Variants in SCAF1 observed in about 807,000 individuals in gnomAD.
The protein encoded by SCAF1 is SR-related CTD associated factor 1.
In SCAF1, 28 loss-of-function variants were observed where a neutral mutation model predicts 91.2. The ratio of observed to expected loss-of-function variants is 0.31; its 90% CI spans 0.23 to 0.42. The LOEUF (loss-of-function observed/expected upper bound fraction) is 0.42. SCAF1 is among the 10% of genes least tolerant of loss of function. The pLI, the probability that SCAF1 is intolerant of heterozygous loss-of-function variation, is 1.00. For synonymous variants in SCAF1, 1,036 were observed against 833.7 expected (o/e 1.24, Z -4.18); for missense variants, 1,893 against 1,872.1 (o/e 1.01, Z -0.21).
chr19:49,644,563 T>C (rs1008406829), intron 1 of SCAF1, among the ~76,000 whole-genome samples: 3 of 152,184 alleles, frequency 2.0e-5, no homozygotes, highest in African/African-American at 7.2e-5. Flanking sequence ...GTGTTGAATA[T>C]TGCCCAGCAC....
rs533118974 is a variant in SCAF1 at position 49,646,542 on chromosome 19, C to G, written c.278C>G (p.Thr93Arg). The change falls in exon 5 of 11, where the codon ACG (threonine) becomes AGG (arginine). Residue 93 changes from threonine to arginine, a missense_variant. By Grantham distance (71) the Thr-to-Arg change is moderately conservative. Coordinates refer to ENST00000360565, the MANE Select transcript of SCAF1 (RefSeq NM_021228.3). This position sits in a 1 kb window ranked among gnomAD's most constrained non-coding sequence, Gnocchi z 5.6. ...CTCTTCCAGGTGTTGGACATGGCCACGGACAGCTTCCTCGCAGGGCTGGTG... is the reference window on the plus strand; with the variant it reads ...CTCTTCCAGGTGTTGGACATGGCCAGGGACAGCTTCCTCGCAGGGCTGGTG... ...TDTATVLDMA[T>R]DSFLAGLVSV... 5 of 1,614,032 alleles carry G rather than the reference C, an allele frequency of 3.1e-6. No homozygotes were observed. Among genetic ancestry groups the G allele is most frequent in the Non-Finnish European group, 4.2e-6 (5 of 1,179,982 alleles).
intron 9 of SCAF1, among the ~76,000 whole-genome samples, chr19:49,655,774 G>A (rs1449502029): frequency 6.6e-6 from 1 of 152,164 alleles, no homozygotes; most frequent in South Asian, 2.1e-4. Flanking sequence ...GGGCTCAAGG[G>A]ATCCTCCTAC....
At chr19:49,643,725 G>A (rs1245659338) in intron 1 of SCAF1, among the ~76,000 whole-genome samples, 1 of 152,198 alleles carries the variant, frequency 6.6e-6, no homozygotes, top group East Asian at 1.9e-4. Context: ...GTGCTTCCCC[G>A]GGAGGTGCTG....
intron 9 of SCAF1, 89 bp downstream of exon 9, chr19:49,654,959 G>A: frequency 9.5e-7 from 1 of 1,052,530 alleles, no homozygotes; most frequent in Non-Finnish European, 1.3e-6. Context: ...CAAGGAGAAA[G>A]GGAGACTGAG....
chr19:49,645,386 G>C lies in SCAF1; in HGVS notation c.141G>C (p.Leu47=), dbSNP rs749731358. 19 of 1,613,880 alleles carry C rather than the reference G, an allele frequency of 1.2e-5. No individual in the cohort carries two copies. In the East Asian group the frequency reaches 3.1e-4, roughly 26 times the overall value. ...RAIQQAVGSS[L]QGDLPNDKDG... Reference sequence around the variant, plus strand: ...TCCAGCAGGCTGTGGGAAGCTCCCTGCAGGGGGACCTGCCCAATGATAAAG... The same window carrying C: ...TCCAGCAGGCTGTGGGAAGCTCCCTCCAGGGGGACCTGCCCAATGATAAAG... The change falls in exon 3 of 11, where the codon CTG becomes CTC. Residue 47 remains leucine, a synonymous_variant. Coordinates refer to ENST00000360565, the MANE Select transcript of SCAF1 (RefSeq NM_021228.3). This position sits in a 1 kb window ranked among gnomAD's most constrained non-coding sequence, Gnocchi z 4.6.
chr19:49,651,698 G>T lies in SCAF1; in HGVS notation c.1309G>T (p.Ala437Ser). The T allele has an allele frequency of 7.2e-7, 1 of 1,391,920 alleles. No homozygotes were observed. The highest frequency in any genetic ancestry group is 9.2e-7 in the Non-Finnish European group (1 of 1,084,630). 86.2% of individuals were successfully genotyped at this position (1,391,920 alleles called of 1,614,324 possible). A position where few individuals can be genotyped will look rare whatever the true frequency, so the allele number is the denominator to read the frequency against. ...GGCCCAGCCCCTTCCTCAGCCTCCC[G>T]CTCCGCGGGCCCCCGAGGGGGACGA... ...PTAQPLPQPP[A>S]PRAPEGDDFL... The change falls in exon 7 of 11, where the codon GCT becomes TCT. Residue 437 changes from alanine to serine, a missense_variant. Physicochemically the swap from Ala to Ser is moderately conservative, Grantham distance 99 (BLOSUM62 1). This residue lies in a region of SCAF1 where 1,436 missense variants were observed against 1,306.8 expected (regional missense o/e 1.10). Transcript: ENST00000360565.
intron 6 of SCAF1, among the ~76,000 whole-genome samples, chr19:49,647,236 C>G (rs1204137410): frequency 6.6e-6 from 1 of 152,234 alleles, no homozygotes; most frequent in East Asian, 1.9e-4. Context: ...GAGTCTGAAG[C>G]CCAAGTTTTT....
At chr19:49,654,301 C>T (rs2081124196) in intron 7 of SCAF1, 48 bp from the exon 8 acceptor site, 1 of 1,536,994 alleles carries the variant, frequency 6.5e-7, no homozygotes. Context: ...CAGCTCCTGT[C>T]CTGTCACCTC....
In SCAF1 at chr19:49,651,547, C is replaced by T. The variant is rs770161014; in HGVS notation, c.1158C>T (p.Pro386=). ...CCCTCCCGCCGCCCCTGCTGCCGCC[C>T]GGCGACTCGGAGATCGAGGAAGGGG... The part of the protein sequence containing the change: ...GAALPPPLLP[P]GDSEIEEGEI... Residue 386 remains proline, a synonymous_variant, in exon 7 of 11, where the codon CCC becomes CCT. Coordinates refer to ENST00000360565, the MANE Select transcript of SCAF1 (RefSeq NM_021228.3). The T allele has an allele frequency of 7.1e-6, 11 of 1,560,130 alleles. No homozygotes were observed. Among genetic ancestry groups the T allele is most frequent in the South Asian group, 7.0e-5 (6 of 85,178 alleles).
At position 49,652,880 on chromosome 19, in the gene SCAF1, GTGAAGC is replaced by G; in HGVS notation, c.2494_2499del (p.Lys832_Leu833del). The G allele has an allele frequency of 6.2e-7, 1 of 1,614,062 alleles. No homozygotes were observed. The highest frequency in any genetic ancestry group is 8.5e-7 in the Non-Finnish European group (1 of 1,180,010). On this transcript the variant is annotated inframe_deletion, in exon 7 of 11. Transcript: ENST00000360565. ...GTCGTCCTCCTGTTCTTCCCGGAAG[GTGAAGC>G]TGCAGTCCAAGGTGGCGGTGCTGAT...
Position 49,646,900 on chromosome 19 carries a change from T to C in SCAF1, c.478+70T>C, listed in dbSNP as rs2081058991. 15 of 1,170,678 alleles carry C rather than the reference T, an allele frequency of 1.3e-5. 1 individual carries two copies. The South Asian group carries it at 1.8e-4, about 14-fold the overall frequency. 72.5% of individuals were successfully genotyped at this position (1,170,678 alleles called of 1,614,324 possible). A position where few individuals can be genotyped will look rare whatever the true frequency, so the allele number is the denominator to read the frequency against. ...TGTGGGGATCGGCTGTTTTTGGTAG[T>C]GATGGTAGCGGTGATCATGTTATTT... On this transcript the variant is annotated intron_variant, in intron 6 of 10. Coordinates refer to ENST00000360565, the MANE Select transcript of SCAF1 (RefSeq NM_021228.3). The surrounding 1 kb of genome is among the most constrained non-coding windows in gnomAD (Gnocchi z 5.6).
At chr19:49,649,403 A>C (rs953979583) in intron 6 of SCAF1, among the ~76,000 whole-genome samples, 2 of 152,178 alleles carry the variant, frequency 1.3e-5, no homozygotes, top group African/African-American at 4.8e-5. Context: ...TCCTCCGCTT[A>C]TCCTGGGAAG....
In SCAF1 at chr19:49,648,560, A is replaced by ACCCC. The variant is rs59176255; in HGVS notation, c.478+1737_478+1740dup. 4.3e-4 allele frequency among the ~76,000 whole-genome samples: 50 copies of ACCCC among 116,832 alleles called. 1 individual carries two copies. Among genetic ancestry groups the ACCCC allele is most frequent in the African/African-American group, 6.8e-4 (21 of 31,068 alleles). 76.6% of individuals were successfully genotyped at this position (116,832 alleles called of 152,430 possible). ...AGGCATGAGCCACCATGCCTGCCACACCCCCCCCCCTTTTTTTTTAACAGC... is the reference window on the plus strand; with the variant it reads ...AGGCATGAGCCACCATGCCTGCCACACCCCCCCCCCCCCCTTTTTTTTTAACAGC... On this transcript the variant is annotated intron_variant, in intron 6 of 10. Transcript: ENST00000360565.
Position 49,645,965 on chromosome 19 carries a change from G to T in SCAF1, c.167-143G>T. The T allele has an allele frequency of 1.4e-6, 1 of 726,110 alleles. No homozygotes were observed. Among genetic ancestry groups the T allele is most frequent in the Non-Finnish European group, 2.4e-6 (1 of 421,148 alleles). 45.0% of individuals were successfully genotyped at this position (726,110 alleles called of 1,614,324 possible). On this transcript the variant is annotated intron_variant, in intron 3 of 10. Transcript: ENST00000360565. The surrounding 1 kb of genome is among the most constrained non-coding windows in gnomAD (Gnocchi z 4.6). ...GAAGTGGGTGCTGGGAAGTCCTCCT[G>T]GGAGGTGGCGCATGGAGGCCTGGAG...
intron 6 of SCAF1, among the ~76,000 whole-genome samples, chr19:49,648,429 T>A (rs7508601): frequency 0.32 from 48,077 of 151,880 alleles, 9,236 homozygotes; most frequent in East Asian, 0.52. Flanking sequence ...TTTATTTTTT[T>A]AAAATTTTTA....
At chr19:49,654,939 C>T (rs1016301886) in intron 9 of SCAF1, 69 bp downstream of exon 9, 142 of 1,240,994 alleles carry the variant, frequency 1.1e-4, no homozygotes, top group African/African-American at 7.3e-4. Context: ...GGAACTGAGA[C>T]GCGGGGGCCC....
chr19:49,657,922 C>G (rs769184425), intron 10 of SCAF1, 33 bp downstream of exon 10: 4 of 1,604,502 alleles, frequency 2.5e-6, no homozygotes, highest in Admixed American at 1.7e-5. Context: ...AGACACAGGC[C>G]GGGGAGAGAA....
Position 49,651,008 on chromosome 19 carries a change from T to TGCCCGGCCCC in SCAF1, c.619_620insGCCCGGCCCC (p.Ser207CysfsTer26). 1.7e-6 allele frequency: 1 copy of TGCCCGGCCCC among 583,742 alleles called. No individual in the cohort carries two copies. The highest frequency in any genetic ancestry group is 2.6e-6 in the Non-Finnish European group (1 of 389,052). 36.2% of individuals were successfully genotyped at this position (583,742 alleles called of 1,614,324 possible). A position where few individuals can be genotyped will look rare whatever the true frequency, so the allele number is the denominator to read the frequency against. The stretch of plus-strand genomic sequence containing the variant: ...CCCTTCTCCCTCATCTTCCTCCCCT[T>TGCCCGGCCCC]CCCCTCCCCCACCCCCACCGCCCCC... On this transcript the variant is annotated frameshift_variant, in exon 7 of 11. Transcript: ENST00000360565. LOFTEE classifies it high-confidence loss of function.
At position 49,653,200 on chromosome 19, in the gene SCAF1, T is replaced by C. The variant is rs2081113685; in HGVS notation, c.2811T>C (p.Gly937=). The C allele has an allele frequency of 6.5e-7, 1 of 1,548,008 alleles. No homozygotes were observed. The part of the protein sequence containing the change: ...VRSGGGSGGS[G]GQVSLKKSKA... Reference sequence around the variant, plus strand: ...GTGGAGGTGGCAGCGGGGGCAGTGGTGGCCAGGTGTCGCTGAAGAAGTCCA... The same window carrying C: ...GTGGAGGTGGCAGCGGGGGCAGTGGCGGCCAGGTGTCGCTGAAGAAGTCCA... The change falls in exon 7 of 11, where the codon GGT becomes GGC. Residue 937 remains glycine, a synonymous_variant. Coordinates refer to ENST00000360565, the MANE Select transcript of SCAF1 (RefSeq NM_021228.3).
Sources: allele counts gnomAD v4.1 joint callset (sites outside exome capture counted in the v4.1 genomes callset), GRCh38; gene constraint gnomAD v4.1.1; regional missense constraint gnomAD v4.1.1; non-coding constraint Gnocchi (gnomAD v3.1); transcripts MANE v1.5; gene names NCBI Gene and HGNC (gene_info 2026-07-23, HGNC 2026-07-21).